MIOS: variants seen among roughly 807,000 people sequenced by gnomAD.
The protein encoded by MIOS is GATOR2 complex protein MIOS.
Under a neutral mutation model 96.9 loss-of-function variants are expected in MIOS, and 52 were observed. The ratio of observed to expected loss-of-function variants is 0.54; its 90% confidence interval spans 0.43 to 0.68. The LOEUF is 0.68. MIOS is among the 30% of genes least tolerant of loss of function. MIOS has a pLI of 0.00. For missense variants in MIOS, 1,005 were observed against 1,052.8 expected (o/e 0.95, Z 0.63); for synonymous variants, 397 against 359.5 (o/e 1.10, Z -1.18).
At chr7:7,585,886 C>T (rs1783871847) in intron 7 of MIOS, 81 bp downstream of exon 7, 5 of 1,238,622 alleles carry the variant, frequency 4.0e-6, no homozygotes, top group East Asian at 2.6e-5. Context: ...TTTCAAATGT[C>T]TGTTGCATAA....
intron 5 of MIOS, chr7:7,581,958 G>GT (rs1178368201): frequency 7.6e-6 from 1 of 131,734 alleles, no homozygotes; most frequent in Non-Finnish European, 1.5e-5. Context: ...CTCGAGACAA[G>GT]TTACAGATTC....
At chr7:7,583,002 A>C in intron 5 of MIOS, 116 bp from the exon 6 acceptor site, 1 of 1,190,252 alleles carries the variant, frequency 8.4e-7, no homozygotes, top group South Asian at 1.7e-5. Context: ...ACTATCATAA[A>C]ATTATGGCCG....
chr7:7,604,947 T>G lies in MIOS; in HGVS notation c.2402-995T>G, dbSNP rs75851238. ...TTTTTGCCCTCTCATTATTAATTGT[T>G]GGTGACCCTTTCAGGAGTAATTCTA... On this transcript the variant is annotated intron_variant, in intron 11 of 12. Transcript: ENST00000340080. 5.1e-3 allele frequency among the ~76,000 whole-genome samples: 771 copies of G among 152,304 alleles called. 9 individuals are homozygous for G. Among genetic ancestry groups the G allele is most frequent in the African/African-American group, 0.018 (739 of 41,574 alleles).
intron 6 of MIOS, among the ~76,000 whole-genome samples, chr7:7,584,478 TCAAA>T (rs1783823057): frequency 6.6e-6 from 1 of 152,152 alleles, no homozygotes; most frequent in South Asian, 2.1e-4. Context: ...CTTCTCTGAG[TCAAA>T]CATTCTTTTC....
At chr7:7,589,161 A>G (rs765808335) in intron 8 of MIOS, among the ~76,000 whole-genome samples, 35 of 152,194 alleles carry the variant, frequency 2.3e-4, no homozygotes, top group African/African-American at 8.4e-4. Context: ...TAAACCATCT[A>G]TAGTTCTTTT....
intron 11 of MIOS, among the ~76,000 whole-genome samples, chr7:7,602,722 T>A (rs558286403): frequency 6.6e-6 from 1 of 152,078 alleles, no homozygotes; most frequent in Non-Finnish European, 1.5e-5. Context: ...TGAAAAAAAC[T>A]AAAGTTCATA....
At chr7:7,580,279 A>G (rs1266864718) in intron 5 of MIOS, among the ~76,000 whole-genome samples, 4 of 152,206 alleles carry the variant, frequency 2.6e-5, no homozygotes, top group African/African-American at 9.7e-5. Context: ...GTCCTTAAAA[A>G]TCCACTTTCA....
At chr7:7,574,580 ATCCCT>A (rs1783466323) in intron 5 of MIOS, among the ~76,000 whole-genome samples, 1 of 152,096 alleles carries the variant, frequency 6.6e-6, no homozygotes, top group Non-Finnish European at 1.5e-5. Flanking sequence ...ATTGAAGGAG[ATCCCT>A]TTTTATTTTG....
intron 9 of MIOS, 77 bp from the exon 10 acceptor site, chr7:7,594,903 A>T: frequency 1.7e-6 from 2 of 1,181,512 alleles, no homozygotes; most frequent in Non-Finnish European, 2.3e-6. Context: ...TGTTACTCAT[A>T]CTTACATGCT....
rs113992683 is a variant in MIOS, at chr7:7,583,027, C to T, written c.1394-91C>T. Reference sequence around the variant, plus strand: ...AATTATGGCCGAGAAGTTAAATATTCTAAATGTGTCAACATAGTTCTCTGT... The same window carrying T: ...AATTATGGCCGAGAAGTTAAATATTTTAAATGTGTCAACATAGTTCTCTGT... On this transcript the variant is annotated intron_variant, in intron 5 of 12. Transcript: ENST00000340080. 3 of 1,314,036 alleles carry T rather than the reference C, an allele frequency of 2.3e-6. No homozygotes were observed. In the East Asian group the frequency reaches 7.6e-5, roughly 33 times the overall value. 81.4% of individuals were successfully genotyped at this position (1,314,036 alleles called of 1,614,324 possible).
Position 7,566,958 on chromosome 7 carries a change from C to G in MIOS, c.-335C>G, listed in dbSNP as rs902904506. The G allele has an allele frequency of 6.6e-6, 1 of 152,114 alleles. No individual in the cohort carries two copies. 9.4% of individuals were successfully genotyped at this position (152,114 alleles called of 1,614,324 possible). A position where few individuals can be genotyped will look rare whatever the true frequency, so the allele number is the denominator to read the frequency against. On this transcript the variant is annotated 5_prime_UTR_variant, in exon 1 of 13. Transcript: ENST00000340080. ...GGTCGTGGGTCCCAGCCCAGTGGTC[C>G]AGGTCACGGGCCGCACGGCCGCGGC...
At chr7:7,597,049 G>C (rs1021741646) in intron 11 of MIOS, among the ~76,000 whole-genome samples, 6 of 151,984 alleles carry the variant, frequency 3.9e-5, no homozygotes, top group African/African-American at 1.4e-4. Flanking sequence ...TTTTTTGGCC[G>C]GACATGGTGG....
At position 7,605,565 on chromosome 7, in the gene MIOS, G is replaced by A. The variant is rs1275886513; in HGVS notation, c.2402-377G>A. 1.8e-5 allele frequency: 3 copies of A among 163,686 alleles called. 1 individual carries two copies. Among genetic ancestry groups the A allele is most frequent in the Non-Finnish European group, 4.0e-5 (3 of 75,330 alleles). 10.1% of individuals were successfully genotyped at this position (163,686 alleles called of 1,614,324 possible). A position where few individuals can be genotyped will look rare whatever the true frequency, so the allele number is the denominator to read the frequency against. On this transcript the variant is annotated intron_variant, in intron 11 of 12. Coordinates refer to ENST00000340080, the MANE Select transcript of MIOS (RefSeq NM_019005.4). ...CCGCCTCAGCCTCCCAAAGTGCTGG[G>A]ATTACAGGCATGAGCCATCACACCC...
intron 11 of MIOS, among the ~76,000 whole-genome samples, chr7:7,603,195 A>G (rs921136173): frequency 6.6e-6 from 1 of 152,110 alleles, no homozygotes; most frequent in African/African-American, 2.4e-5. Flanking sequence ...CAATGGCAAC[A>G]AAAGCCAAAA....
intron 3 of MIOS, among the ~76,000 whole-genome samples, chr7:7,569,614 A>T (rs952320269): frequency 3.3e-5 from 5 of 152,208 alleles, no homozygotes; most frequent in Admixed American, 6.5e-5. Flanking sequence ...TGTACTGGGG[A>T]CTAGAGGTAC....
intron 6 of MIOS, among the ~76,000 whole-genome samples, chr7:7,584,131 A>G (rs1783812623): frequency 6.6e-6 from 1 of 152,126 alleles, no homozygotes; most frequent in Non-Finnish European, 1.5e-5. Context: ...TGAAACCATT[A>G]TAGTTTAGCT....
intron 12 of MIOS, among the ~76,000 whole-genome samples, 154 bp downstream of exon 12, chr7:7,606,225 C>T (rs577229304): frequency 4.6e-5 from 7 of 152,170 alleles, no homozygotes; most frequent in East Asian, 3.9e-4. Flanking sequence ...GTGAACATGT[C>T]GTGATTAGAT....
intron 12 of MIOS, 78 bp downstream of exon 12, chr7:7,606,149 A>G: frequency 3.9e-6 from 6 of 1,529,052 alleles, no homozygotes; most frequent in Non-Finnish European, 5.3e-6. Flanking sequence ...GTTTGGGTTT[A>G]TCTATTAGCA....
intron 5 of MIOS, among the ~76,000 whole-genome samples, chr7:7,580,812 G>T (rs1378677915): frequency 6.8e-6 from 1 of 147,760 alleles, no homozygotes; most frequent in African/African-American, 2.5e-5. Context: ...TCAGCCTCCC[G>T]AGAAGCTGGG....
Sources: gnomAD v4.1 joint callset for allele counts (sites outside exome capture counted in the v4.1 genomes callset) on GRCh38, gnomAD v4.1.1 for gene constraint, MANE v1.5 for transcripts, NCBI Gene and HGNC (gene_info 2026-07-23, HGNC 2026-07-21) for gene names.